Variants in B3GALNT1 observed in about 807,000 individuals in gnomAD.
B3GALNT1 encodes the protein UDP-GalNAc:beta-1,3-N-acetylgalactosaminyltransferase 1.
A neutral mutation model predicts 27.3 loss-of-function variants in B3GALNT1; 17 were observed. The observed-to-expected ratio is 0.62, with a 90% confidence interval of 0.43 to 0.94. B3GALNT1 has a LOEUF of 0.94. Ranked by LOEUF, B3GALNT1 falls within the 40% of genes least tolerant of loss-of-function variation. The probability of loss-of-function intolerance (pLI) is 0.00; values close to 1 mark genes in which losing one functional copy is unlikely to be tolerated. For synonymous variants in B3GALNT1, 141 were observed against 144.0 expected (o/e 0.98, Z 0.15); for missense variants, 347 against 390.0 (o/e 0.89, Z 0.93).
rs1720920478 is a variant in B3GALNT1, at chr3:161,084,823, A to G, written c.*936T>C. On this transcript the variant is annotated 3_prime_UTR_variant, in exon 5 of 5. Transcript: ENST00000320474. ...ACACTCTTTTTATAATATTCTGCCC[A>G]TGAGGTTCTCTCCCTTCTTTTCTGC... 6.6e-6 allele frequency: 1 copy of G among 152,206 alleles called. No individual in the cohort carries two copies. Among genetic ancestry groups the G allele is most frequent in the South Asian group, 2.1e-4 (1 of 4,836 alleles). 9.4% of individuals were successfully genotyped at this position (152,206 alleles called of 1,614,324 possible).
chr3:161,101,025 C>T (rs1730950964), intron 4 of B3GALNT1, 114 bp downstream of exon 4: 2 of 716,440 alleles, frequency 2.8e-6, no homozygotes, highest in Admixed American at 2.6e-5. Context: ...CTCCAAATGC[C>T]AAGCTCCTTC....
intron 4 of B3GALNT1, among the ~76,000 whole-genome samples, chr3:161,091,018 A>C (rs1023228322): frequency 6.6e-6 from 1 of 152,144 alleles, no homozygotes. Context: ...CTGTAATCCT[A>C]ATGCTTTGGG....
At chr3:161,101,352 G>C (rs970979127) in intron 3 of B3GALNT1, 119 bp from the exon 4 acceptor site, 7 of 487,912 alleles carry the variant, frequency 1.4e-5, no homozygotes, top group African/African-American at 1.2e-4. Flanking sequence ...AGAGTATCGG[G>C]GAGCTGCTGC....
intron 4 of B3GALNT1, among the ~76,000 whole-genome samples, chr3:161,087,897 T>C (rs1722859010): frequency 6.6e-6 from 1 of 152,150 alleles, no homozygotes; most frequent in South Asian, 2.1e-4. Context: ...CGTATAAACA[T>C]GGCAGCACAG....
In B3GALNT1 at chr3:161,103,500, C is replaced by T. The variant is rs1732536919; in HGVS notation, c.-203G>A. On this transcript the variant is annotated 5_prime_UTR_variant, in exon 3 of 5. Coordinates refer to ENST00000320474, the MANE Select transcript of B3GALNT1 (RefSeq NM_003781.4). ...GTATTCCATGCTTAATTAAAACACT[C>T]AGATCTGTTGTGAACTACTGAACAG... 3 of 1,276,948 alleles carry T rather than the reference C, an allele frequency of 2.3e-6. No homozygotes were observed. The highest frequency in any genetic ancestry group is 3.1e-6 in the Non-Finnish European group (3 of 978,632). 79.1% of individuals were successfully genotyped at this position (1,276,948 alleles called of 1,614,324 possible).
intron 4 of B3GALNT1, among the ~76,000 whole-genome samples, chr3:161,092,925 T>A (rs920612765): frequency 9.2e-5 from 14 of 151,950 alleles, no homozygotes; most frequent in African/African-American, 3.1e-4. Flanking sequence ...GCCCGGCTAA[T>A]TTTTTGTATT....
rs371366576 is a variant in B3GALNT1, at chr3:161,086,230, G to A, written c.525C>T (p.Tyr175=). Residue 175 remains tyrosine, a synonymous_variant, in exon 5 of 5, where the codon TAC becomes TAT. Transcript: ENST00000320474. ...AAACATCAGTGTCTGTCTTCATTAC[G>A]TACTTGGCATTGGGGCAAAACTCAG... ...WVTEFCPNAK[Y]VMKTDTDVFI... is the part of the protein sequence containing the mutation. 3.4e-5 allele frequency: 55 copies of A among 1,613,938 alleles called. No homozygotes were observed. The African/African-American group carries it at 4.0e-4, about 12-fold the overall frequency.
intron 4 of B3GALNT1, among the ~76,000 whole-genome samples, chr3:161,099,958 G>C (rs34925345): frequency 1.3e-5 from 2 of 152,316 alleles, no homozygotes; most frequent in African/African-American, 4.8e-5. Flanking sequence ...TAACTCATTT[G>C]GTGAAGGGTT....
intron 3 of B3GALNT1, among the ~76,000 whole-genome samples, chr3:161,101,763 T>C (rs1401453237): frequency 6.6e-6 from 1 of 152,212 alleles, no homozygotes; most frequent in Non-Finnish European, 1.5e-5. Context: ...GAGCCTGTTA[T>C]CAGTATGGAG....
chr3:161,085,767 G>A lies in B3GALNT1; in HGVS notation c.988C>T (p.His330Tyr), dbSNP rs1721315794. The change falls in exon 5 of 5, where the codon CAT becomes TAT. Residue 330 changes from histidine (H) to tyrosine (Y), a missense_variant. Coordinates refer to ENST00000320474, the MANE Select transcript of B3GALNT1 (RefSeq NM_003781.4). ...WQVMLRNTTC[H>Y]Y ...TTTTGTAGAATGTGAAGTTAATAAT[G>A]GCATGTGGTGTTCCTTAGCATGACC... 2.5e-6 allele frequency: 4 copies of A among 1,614,022 alleles called. No homozygotes were observed. Among genetic ancestry groups the A allele is most frequent in the East Asian group, 2.2e-5 (1 of 44,872 alleles).
At chr3:161,091,042 AG>A (rs1724809974) in intron 4 of B3GALNT1, among the ~76,000 whole-genome samples, 2 of 152,034 alleles carry the variant, frequency 1.3e-5, no homozygotes, top group Non-Finnish European at 2.9e-5. Flanking sequence ...CTAAGGTGGG[AG>A]GATCACTTGA....
At chr3:161,088,373 C>T (rs1239182935) in intron 4 of B3GALNT1, among the ~76,000 whole-genome samples, 1 of 152,190 alleles carries the variant, frequency 6.6e-6, no homozygotes, top group Admixed American at 6.5e-5. Flanking sequence ...CATTCTATGA[C>T]CTTGTTGGCA....
chr3:161,092,764 T>TTTC (rs1491330230), intron 4 of B3GALNT1, among the ~76,000 whole-genome samples: 19 of 58,128 alleles, frequency 3.3e-4, no homozygotes, highest in African/African-American at 1.9e-3. Context: ...TTCATTTTTC[T>TTTC]TTTTTTTTTT....
At position 161,104,289 on chromosome 3, in the gene B3GALNT1, T is replaced by C. The variant is rs1361093882; in HGVS notation, c.-221+30A>G. On this transcript the variant is annotated intron_variant, in intron 2 of 4. Transcript: ENST00000320474. ...GAGAAGCTAAAAAACTTGTTCCCAG[T>C]TGAACACTGCAAACCCAAATTTTCC... is the stretch of plus-strand genomic sequence containing the variant. 3.1e-6 allele frequency: 4 copies of C among 1,287,460 alleles called. No homozygotes were observed. The South Asian group carries it at 3.7e-5, about 12-fold the overall frequency. 79.8% of individuals were successfully genotyped at this position (1,287,460 alleles called of 1,614,324 possible).
Position 161,085,611 on chromosome 3 carries a change from C to T in B3GALNT1, c.*148G>A. ...CTGACTAATAAATCACAAGTGTAAC[C>T]CTCCAGTCTCCAGTCTGGGTTTTTC... On this transcript the variant is annotated 3_prime_UTR_variant, in exon 5 of 5. Coordinates refer to ENST00000320474, the MANE Select transcript of B3GALNT1 (RefSeq NM_003781.4). 1 of 772,426 alleles carries T rather than the reference C, an allele frequency of 1.3e-6. No individual in the cohort carries two copies. The highest frequency in any genetic ancestry group is 2.2e-6 in the Non-Finnish European group (1 of 452,838). The allele number at this position is 772,426 out of a possible 1,614,324, so 47.8% of individuals were successfully genotyped here.
intron 4 of B3GALNT1, 133 bp downstream of exon 4, chr3:161,101,006 G>C: frequency 2.0e-6 from 1 of 499,192 alleles, no homozygotes; most frequent in South Asian, 1.8e-5. Context: ...CCAAACTCAA[G>C]CCCTTCAACT....
chr3:161,101,379 C>A, intron 3 of B3GALNT1, 146 bp from the exon 4 acceptor site: 1 of 401,382 alleles, frequency 2.5e-6, no homozygotes, highest in Middle Eastern at 3.8e-4. Context: ...CATTTCTTCC[C>A]ATTACTACCC....
chr3:161,086,856 T>TACCGAAAACAC, intron 4 of B3GALNT1, 68 bp from the exon 5 acceptor site: 1 of 1,467,386 alleles, frequency 6.8e-7, no homozygotes, highest in Non-Finnish European at 9.3e-7. Context: ...GACATCTGAC[T>TACCGAAAACAC]ATCTACTCAA....
intron 4 of B3GALNT1, among the ~76,000 whole-genome samples, chr3:161,096,205 C>T (rs7630896): frequency 0.2 from 30,381 of 152,062 alleles, 3,089 homozygotes; most frequent in East Asian, 0.26. Context: ...TAAGAATAAG[C>T]TGAATCCAAA....
Sources: gnomAD v4.1 joint callset for allele counts (sites outside exome capture counted in the v4.1 genomes callset) on GRCh38, gnomAD v4.1.1 for gene constraint, MANE v1.5 for transcripts, NCBI Gene and HGNC (gene_info 2026-07-23, HGNC 2026-07-21) for gene names.